Variants in RCAN1 observed in about 807,000 individuals in gnomAD.
The protein encoded by RCAN1 is calcipressin-1.
In RCAN1, 11 loss-of-function variants were observed where a neutral mutation model predicts 22.9. The observed-to-expected ratio is 0.48, with a 90% CI of 0.30 to 0.79. RCAN1 has a LOEUF of 0.79. Among genes scored for constraint, RCAN1 ranks in the 30% least tolerant of loss-of-function variants. RCAN1 has a pLI of 0.06. For synonymous variants in RCAN1, 136 were observed against 142.3 expected, an observed-to-expected ratio of 0.96 and a Z score of 0.32; for missense variants, 291 against 337.8, an observed-to-expected ratio of 0.86 and a Z score of 1.09.
At position 34,552,412 on chromosome 21, in the gene RCAN1, T is replaced by C. The variant is rs200229891; in HGVS notation, c.253-28702A>G. Among the ~76,000 whole-genome samples the C allele has an allele frequency of 5.9e-5, 9 of 152,358 alleles. No homozygotes were observed. In the East Asian group the frequency reaches 1.7e-3, roughly 29 times the overall value. On this transcript the variant is annotated intron_variant, in intron 1 of 3. Transcript: ENST00000313806. ...ATGCCAATTTTTACCACGTGATTGC[T>C]AAGTGATACTATGCGATGTTAAGTT...
At position 34,563,790 on chromosome 21, in the gene RCAN1, T is replaced by TAGAG. The variant is rs1317228429; in HGVS notation, c.253-40081_253-40080insCTCT. Among the ~76,000 whole-genome samples the TAGAG allele has an allele frequency of 7.2e-3, 604 of 84,250 alleles. 1 individual carries two copies. Among genetic ancestry groups the TAGAG allele is most frequent in the Non-Finnish European group, 0.011 (451 of 42,284 alleles). The allele number at this position is 84,250 out of a possible 152,430, so 55.3% of individuals were successfully genotyped here. ...AAAAAAATATATATATATATATATA[T>TAGAG]ATATAGAGAGAGAGAGAGAGAGAGA... On this transcript the variant is annotated intron_variant, in intron 1 of 3. Transcript: ENST00000313806.
chr21:34,563,015 A>G (rs1366280939), intron 1 of RCAN1, among the ~76,000 whole-genome samples: 1 of 152,140 alleles, frequency 6.6e-6, no homozygotes, highest in Admixed American at 6.5e-5. Flanking sequence ...CTCTTCCATA[A>G]ACAAACCTTT....
intron 3 of RCAN1, among the ~76,000 whole-genome samples, chr21:34,520,398 A>G: frequency 6.6e-6 from 1 of 152,184 alleles, no homozygotes; most frequent in East Asian, 1.9e-4. Flanking sequence ...TGGGGGGAGC[A>G]CACGCTTCCT....
intron 1 of RCAN1, among the ~76,000 whole-genome samples, chr21:34,546,425 T>C (rs983410222): frequency 6.6e-6 from 1 of 152,052 alleles, no homozygotes; most frequent in East Asian, 1.9e-4. Flanking sequence ...TTCAAACGAA[T>C]AGGCTCTAAC....
intron 1 of RCAN1, among the ~76,000 whole-genome samples, chr21:34,530,625 T>TTTGTTTTTTTTG: frequency 1.4e-5 from 1 of 72,018 alleles, no homozygotes; most frequent in East Asian, 2.4e-4. Flanking sequence ...AGTTTTTTTT[T>TTTGTTTTTTTTG]TTTTTTTTTT....
chr21:34,561,973 C>T (rs114834548), intron 1 of RCAN1, among the ~76,000 whole-genome samples: 75 of 152,286 alleles, frequency 4.9e-4, no homozygotes, highest in African/African-American at 1.8e-3. Flanking sequence ...CAGAAAATCC[C>T]TGGTCATTTA....
chr21:34,587,376 A>G (rs1197717895), intron 1 of RCAN1, among the ~76,000 whole-genome samples: 1 of 152,150 alleles, frequency 6.6e-6, no homozygotes, highest in African/African-American at 2.4e-5. Context: ...AATAATATGA[A>G]TCCTACATCA....
chr21:34,558,323 G>A (rs1986659924), intron 1 of RCAN1, among the ~76,000 whole-genome samples: 1 of 152,218 alleles, frequency 6.6e-6, no homozygotes, highest in African/African-American at 2.4e-5. Flanking sequence ...GAGATGGAAA[G>A]GTTTGCCAGG....
intron 1 of RCAN1, among the ~76,000 whole-genome samples, chr21:34,550,405 A>G (rs8133418): frequency 0.24 from 36,703 of 152,120 alleles, 5,168 homozygotes; most frequent in African/African-American, 0.39. Flanking sequence ...ATTTGGAGGT[A>G]GGGCCTTTAA....
At chr21:34,593,777 C>CGTTT (rs1988051860) in intron 1 of RCAN1, among the ~76,000 whole-genome samples, 1 of 152,152 alleles carries the variant, frequency 6.6e-6, no homozygotes, top group Admixed American at 6.5e-5. Context: ...AGGAAATAAA[C>CGTTT]AAGTGGAAAA....
At chr21:34,546,555 A>G (rs1479053293) in intron 1 of RCAN1, among the ~76,000 whole-genome samples, 5 of 152,246 alleles carry the variant, frequency 3.3e-5, no homozygotes, top group Non-Finnish European at 7.3e-5. Flanking sequence ...AAGACAGCAC[A>G]AACATGAACA....
intron 1 of RCAN1, among the ~76,000 whole-genome samples, chr21:34,569,545 C>G (rs949727406): frequency 6.6e-6 from 1 of 152,214 alleles, no homozygotes; most frequent in Non-Finnish European, 1.5e-5. Flanking sequence ...CAGGGCCTGT[C>G]CTTCCTCCAC....
At chr21:34,606,608 A>C (rs986367879) in intron 1 of RCAN1, among the ~76,000 whole-genome samples, 3 of 152,248 alleles carry the variant, frequency 2.0e-5, no homozygotes, top group Admixed American at 2.0e-4. Flanking sequence ...CAAATGCAGA[A>C]GCCCTAATCC....
At chr21:34,574,960 T>C (rs952892555) in intron 1 of RCAN1, among the ~76,000 whole-genome samples, 1 of 152,244 alleles carries the variant, frequency 6.6e-6, no homozygotes, top group Non-Finnish European at 1.5e-5. Flanking sequence ...GGTTACGGCA[T>C]CAAGTGTTAA....
At chr21:34,542,010 TAAA>T (rs1356778989) in intron 1 of RCAN1, among the ~76,000 whole-genome samples, 2 of 152,104 alleles carry the variant, frequency 1.3e-5, no homozygotes, top group African/African-American at 2.4e-5. Context: ...GGTAAGGACA[TAAA>T]AATAAATACA....
At chr21:34,588,720 A>G (rs1987878364) in intron 1 of RCAN1, among the ~76,000 whole-genome samples, 1 of 152,252 alleles carries the variant, frequency 6.6e-6, no homozygotes, top group Non-Finnish European at 1.5e-5. Context: ...TCCTGACGAG[A>G]TATGCTCAAT....
chr21:34,533,878 C>T (rs948615574), intron 1 of RCAN1, among the ~76,000 whole-genome samples: 5 of 152,184 alleles, frequency 3.3e-5, no homozygotes, highest in African/African-American at 4.8e-5. Flanking sequence ...GCCCAGGGAA[C>T]AGCAGGTGTG....
At chr21:34,569,381 T>C (rs1350021206) in intron 1 of RCAN1, among the ~76,000 whole-genome samples, 1 of 152,234 alleles carries the variant, frequency 6.6e-6, no homozygotes, top group African/African-American at 2.4e-5. Context: ...CCTAAAAGAC[T>C]GGGCCTCAAA....
rs1272060478 is a variant in RCAN1 at position 34,521,910 on chromosome 21, A to C, written c.427-252T>G. On this transcript the variant is annotated intron_variant, in intron 2 of 3. Transcript: ENST00000313806. Reference sequence around the variant, plus strand: ...AGTCACAGGCACAGGGACTGCAAATAATTACGCTTGACCTAGATGGACAGA... The same window carrying C: ...AGTCACAGGCACAGGGACTGCAAATCATTACGCTTGACCTAGATGGACAGA... The C allele has an allele frequency of 6.1e-6, 3 of 488,634 alleles. No homozygotes were observed. The Admixed American group carries it at 1.1e-4, about 18-fold the overall frequency. The allele number at this position is 488,634 out of a possible 1,614,324, so 30.3% of individuals were successfully genotyped here. A position where few individuals can be genotyped will look rare whatever the true frequency, so the allele number is the denominator to read the frequency against.
Sources: gnomAD v4.1 joint callset for allele counts (sites outside exome capture counted in the v4.1 genomes callset) on GRCh38, gnomAD v4.1.1 for gene constraint, MANE v1.5 for transcripts, NCBI Gene and HGNC (gene_info 2026-07-23, HGNC 2026-07-21) for gene names.